Variants in ETV1 observed in about 807,000 individuals in gnomAD.
ETV1 encodes the protein ETS translocation variant 1.
ETV1 carries 27 observed loss-of-function variants against 62.3 expected under a neutral mutation model. The ratio of observed to expected loss-of-function variants is 0.43; its 90% CI spans 0.32 to 0.60. The LOEUF (loss-of-function observed/expected upper bound fraction) is 0.60. Among genes scored for constraint, ETV1 ranks in the 20% least tolerant of loss-of-function variants. The pLI is 0.06. For missense variants in ETV1, 605 were observed against 605.8 expected (o/e 1.00, Z 0.01); for synonymous variants, 222 against 199.6 (o/e 1.11, Z -0.94).
chr7:13,896,639 G>A (rs1324709481), intron 13 of ETV1, among the ~76,000 whole-genome samples: 1 of 122,670 alleles, frequency 8.2e-6, no homozygotes, highest in African/African-American at 3.2e-5. Context: ...TTCTTTTTTG[G>A]CAGTGTGTGT....
At chr7:13,942,266 G>A (rs1420916047) in intron 6 of ETV1, among the ~76,000 whole-genome samples, 9 of 151,904 alleles carry the variant, frequency 5.9e-5, no homozygotes, top group South Asian at 4.2e-4. Context: ...CTCGTGATCC[G>A]CCTGCCTCGG....
upstream of ETV1, among the ~76,000 whole-genome samples, chr7:13,990,106 C>T (rs78243043): frequency 0.035 from 5,261 of 152,214 alleles, 294 homozygotes; most frequent in African/African-American, 0.12. Context: ...CCCTCAGGAT[C>T]TCCAACCTCT....
intron 9 of ETV1, among the ~76,000 whole-genome samples, chr7:13,923,105 G>A (rs1040713631): frequency 7.2e-5 from 11 of 152,110 alleles, no homozygotes; most frequent in African/African-American, 1.9e-4. Flanking sequence ...TTTTGTGCAA[G>A]TTTAGTCAGT....
rs1781698494 is a variant in ETV1 at position 13,895,676 on chromosome 7, A to T, written c.*190T>A. 3.5e-6 allele frequency: 2 copies of T among 574,338 alleles called. No individual in the cohort carries two copies. The highest frequency in any genetic ancestry group is 6.0e-5 in the Admixed American group (2 of 33,482). The allele number at this position is 574,338 out of a possible 1,614,324, so 35.6% of individuals were successfully genotyped here. ...CAGAATAAATGTTTAGATTACTCCC[A>T]CCCACCCTCAAATAAAGTGCACAGT... On this transcript the variant is annotated 3_prime_UTR_variant, in exon 14 of 14. Transcript: ENST00000430479.
At chr7:13,913,536 C>A (rs2040884) in intron 9 of ETV1, among the ~76,000 whole-genome samples, 9 of 151,984 alleles carry the variant, frequency 5.9e-5, no homozygotes, top group Non-Finnish European at 1.3e-4. Flanking sequence ...TGCAACATTT[C>A]GCACAGTATC....
chr7:13,936,057 C>G (rs888674727), intron 7 of ETV1, among the ~76,000 whole-genome samples, 161 bp from the exon 8 acceptor site: 5 of 152,172 alleles, frequency 3.3e-5, no homozygotes, highest in Non-Finnish European at 5.9e-5. Flanking sequence ...AGATAAACTT[C>G]AAAATCACAA....
At chr7:13,954,939 GC>G (rs1789245671) in intron 6 of ETV1, among the ~76,000 whole-genome samples, 1 of 152,124 alleles carries the variant, frequency 6.6e-6, no homozygotes, top group South Asian at 2.1e-4. Context: ...TTCAGTAAAT[GC>G]CAATAAAACT....
chr7:13,902,260 C>T (rs1404613410), intron 12 of ETV1, among the ~76,000 whole-genome samples: 1 of 151,874 alleles, frequency 6.6e-6, no homozygotes, highest in Non-Finnish European at 1.5e-5. Flanking sequence ...TAGTAATAAC[C>T]TTTCTCCAGG....
intron 13 of ETV1, among the ~76,000 whole-genome samples, chr7:13,896,760 G>GAAAGAA (rs773864947): frequency 7.7e-6 from 1 of 130,358 alleles, no homozygotes; most frequent in African/African-American, 3.1e-5. Context: ...AAGAAAGAAA[G>GAAAGAA]AAAGAAAGAA....
intron 6 of ETV1, among the ~76,000 whole-genome samples, chr7:13,973,637 C>T (rs1210896542): frequency 6.7e-6 from 1 of 150,202 alleles, no homozygotes; most frequent in African/African-American, 2.5e-5. Context: ...AATAACATAT[C>T]CTTCCACTTT....
chr7:13,925,427 T>G, intron 9 of ETV1, among the ~76,000 whole-genome samples: 1 of 152,206 alleles, frequency 6.6e-6, no homozygotes, highest in East Asian at 1.9e-4. Context: ...CTCCCTCCTC[T>G]AAGGCAGTAC....
chr7:13,956,700 G>A (rs1789503740), intron 6 of ETV1, among the ~76,000 whole-genome samples: 1 of 152,094 alleles, frequency 6.6e-6, no homozygotes, highest in African/African-American at 2.4e-5. Context: ...TCTATCTTGG[G>A]CAGAGCATTT....
intron 3 of ETV1, 95 bp downstream of exon 3, chr7:13,988,913 C>T: frequency 6.7e-7 from 1 of 1,499,878 alleles, no homozygotes; most frequent in African/African-American, 1.4e-5. Context: ...ATCTGCAATC[C>T]CAACCCCCGT....
At chr7:13,959,977 G>A (rs1046652832) in intron 6 of ETV1, among the ~76,000 whole-genome samples, 1 of 135,458 alleles carries the variant, frequency 7.4e-6, no homozygotes, top group African/African-American at 2.7e-5. Flanking sequence ...TCTTTCTTAA[G>A]TTAAATACTT....
chr7:13,931,824 A>G (rs2128451044), intron 8 of ETV1, 75 bp from the exon 9 acceptor site: 2 of 1,552,566 alleles, frequency 1.3e-6, no homozygotes, highest in Non-Finnish European at 8.8e-7. Context: ...ACGGTTTTCC[A>G]TTTCTTAGTG....
At chr7:13,986,910 A>G (rs1212094063) in intron 4 of ETV1, 3 of 465,858 alleles carry the variant, frequency 6.4e-6, no homozygotes, top group African/African-American at 6.2e-5. Context: ...CAACTAAAGA[A>G]TAAAGTCAAT....
chr7:13,899,463 T>C lies in ETV1; in HGVS notation c.1212+1275A>G, dbSNP rs535580601. Among the ~76,000 whole-genome samples the C allele has an allele frequency of 3.3e-5, 5 of 152,350 alleles. No homozygotes were observed. The Middle Eastern group carries it at 0.01, about 311-fold the overall frequency. ...ACTGAGATAATATGCCTCTTGTCAA[T>C]AGACAATGTTCTAGGAAAGTCAACA... On this transcript the variant is annotated intron_variant, in intron 13 of 13. Coordinates refer to ENST00000430479, the MANE Select transcript of ETV1 (RefSeq NM_004956.5).
chr7:13,951,167 C>G (rs967608763), intron 6 of ETV1, among the ~76,000 whole-genome samples: 2 of 152,036 alleles, frequency 1.3e-5, no homozygotes, highest in African/African-American at 4.8e-5. Context: ...ATCATATGTA[C>G]AAGTAAATGT....
At position 13,972,165 on chromosome 7, in the gene ETV1, T is replaced by C. The variant is rs774366305; in HGVS notation, c.235+5262A>G. On this transcript the variant is annotated intron_variant, in intron 6 of 13. Transcript: ENST00000430479. ...TTAAAATATATGATTTAAGGCTGGG[T>C]ATGATGGCTCATGCCTGCAATCCTA... Among the ~76,000 whole-genome samples the C allele has an allele frequency of 7.2e-5, 11 of 151,978 alleles. No individual in the cohort carries two copies. In the Middle Eastern group the frequency reaches 0.014, roughly 188 times the overall value.
Sources: allele counts gnomAD v4.1 joint callset (sites outside exome capture counted in the v4.1 genomes callset), GRCh38; gene constraint gnomAD v4.1.1; transcripts MANE v1.5; gene names NCBI Gene and HGNC (gene_info 2026-07-23, HGNC 2026-07-21).